Variants in SDK1 observed in about 807,000 individuals in gnomAD.
SDK1 encodes the protein protein sidekick-1.
In SDK1, 157 loss-of-function variants were observed where a neutral mutation model predicts 245.5. The observed-to-expected ratio is 0.64, with a 90% confidence interval of 0.56 to 0.73. SDK1 has a LOEUF of 0.73. Among genes scored for constraint, SDK1 ranks in the 30% least tolerant of loss-of-function variants. The pLI is 0.00. For missense variants in SDK1, 3,583 were observed against 3,002.3 expected (o/e 1.19, Z -4.52); for synonymous variants, 1,647 against 1,278.5 (o/e 1.29, Z -6.15).
intron 27 of SDK1, 35 bp downstream of exon 27, chr7:4,130,132 T>A: frequency 6.5e-7 from 1 of 1,536,332 alleles, no homozygotes; most frequent in Non-Finnish European, 8.8e-7. Context: ...GGAGCCTTGC[T>A]GCCTCCCAGG....
chr7:3,700,307 ACTTTT>A (rs778364475), intron 4 of SDK1, among the ~76,000 whole-genome samples: 4 of 152,300 alleles, frequency 2.6e-5, no homozygotes, highest in East Asian at 1.9e-4. Context: ...AGATAAATAG[ACTTTT>A]CTTTTCCTTT....
intron 13 of SDK1, among the ~76,000 whole-genome samples, chr7:3,986,514 A>G (rs1783838915): frequency 6.6e-6 from 1 of 152,210 alleles, no homozygotes; most frequent in Admixed American, 6.5e-5. Flanking sequence ...CATTTCCATG[A>G]CCAGCTTCTA....
intron 4 of SDK1, among the ~76,000 whole-genome samples, chr7:3,718,209 C>G (rs1282211915): frequency 2.0e-5 from 3 of 152,020 alleles, no homozygotes; most frequent in Non-Finnish European, 4.4e-5. Context: ...TTGATAAAAT[C>G]CAACACTCAG....
intron 1 of SDK1, among the ~76,000 whole-genome samples, chr7:3,481,091 G>A (rs1562512778): frequency 6.6e-6 from 1 of 152,078 alleles, no homozygotes; most frequent in Non-Finnish European, 1.5e-5. Flanking sequence ...AATACATTTG[G>A]AATTATTTGA....
At chr7:4,051,940 T>A in intron 19 of SDK1, 110 bp downstream of exon 19, 1 of 979,084 alleles carries the variant, frequency 1.0e-6, no homozygotes, top group South Asian at 1.7e-5. Context: ...AGGCCCCGGA[T>A]TTTTGGAGTG....
At chr7:3,957,382 G>A (rs1192419915) in intron 7 of SDK1, among the ~76,000 whole-genome samples, 1 of 152,138 alleles carries the variant, frequency 6.6e-6, no homozygotes, top group Non-Finnish European at 1.5e-5. Context: ...TTTTTTGCAA[G>A]ATGTTACCAT....
At chr7:4,099,979 A>G (rs2128186761) in intron 22 of SDK1, among the ~76,000 whole-genome samples, 1 of 152,134 alleles carries the variant, frequency 6.6e-6, no homozygotes, top group African/African-American at 2.4e-5. Context: ...CTATGTGGAC[A>G]GGAAGTCTCA....
intron 5 of SDK1, among the ~76,000 whole-genome samples, chr7:3,872,833 A>G (rs1233634913): frequency 6.6e-6 from 1 of 152,084 alleles, no homozygotes; most frequent in Non-Finnish European, 1.5e-5. Context: ...ATGCTGCTTC[A>G]CACGGAGTAT....
chr7:3,980,610 T>G (rs1182458444), intron 13 of SDK1, among the ~76,000 whole-genome samples: 3 of 152,236 alleles, frequency 2.0e-5, no homozygotes, highest in Non-Finnish European at 4.4e-5. Context: ...GTCAAGGATC[T>G]CACAAAGCTT....
At chr7:3,495,083 C>T (rs1272622077) in intron 1 of SDK1, among the ~76,000 whole-genome samples, 2 of 152,008 alleles carry the variant, frequency 1.3e-5, no homozygotes, top group East Asian at 3.9e-4. Flanking sequence ...TATTCCCTGT[C>T]TTGGTTGATG....
intron 28 of SDK1, among the ~76,000 whole-genome samples, chr7:4,143,051 G>C (rs936234008): frequency 2.0e-5 from 3 of 152,164 alleles, no homozygotes; most frequent in Non-Finnish European, 4.4e-5. Flanking sequence ...CCTGTTCTGA[G>C]GCACACGCTG....
intron 4 of SDK1, among the ~76,000 whole-genome samples, chr7:3,670,974 CT>C (rs898504477): frequency 1.3e-5 from 2 of 152,164 alleles, no homozygotes; most frequent in South Asian, 2.1e-4. Context: ...CATCCTGTAA[CT>C]TTTTTTTGCC....
intron 1 of SDK1, among the ~76,000 whole-genome samples, chr7:3,448,495 T>C (rs1293881948): frequency 6.6e-6 from 1 of 152,192 alleles, no homozygotes; most frequent in Non-Finnish European, 1.5e-5. Context: ...AATTAAAATA[T>C]ATGTAATCAC....
chr7:3,566,957 CTGG>C (rs1257917531), intron 1 of SDK1, among the ~76,000 whole-genome samples: 2 of 152,114 alleles, frequency 1.3e-5, no homozygotes, highest in Admixed American at 1.3e-4. Flanking sequence ...TTGTCATGCA[CTGG>C]TGGTGGGAGT....
intron 1 of SDK1, among the ~76,000 whole-genome samples, chr7:3,307,125 C>T (rs879815212): frequency 6.6e-6 from 1 of 152,170 alleles, no homozygotes; most frequent in Non-Finnish European, 1.5e-5. Flanking sequence ...CCCAATTATA[C>T]ATTTAACCCA....
At chr7:3,499,565 C>T (rs537498573) in intron 1 of SDK1, among the ~76,000 whole-genome samples, 1 of 152,286 alleles carries the variant, frequency 6.6e-6, no homozygotes, top group East Asian at 1.9e-4. Flanking sequence ...GGTTTGCTAG[C>T]TCTTCTTTAT....
intron 4 of SDK1, among the ~76,000 whole-genome samples, chr7:3,794,364 G>A (rs1778910819): frequency 6.6e-6 from 1 of 152,060 alleles, no homozygotes; most frequent in Non-Finnish European, 1.5e-5. Flanking sequence ...AGAAAAAAAA[G>A]GCATATATGG....
intron 19 of SDK1, among the ~76,000 whole-genome samples, chr7:4,061,426 A>T (rs1418285395): frequency 2.0e-5 from 3 of 152,162 alleles, no homozygotes; most frequent in Admixed American, 6.5e-5. Flanking sequence ...TCAAAACCAC[A>T]ATGAGATACC....
intron 4 of SDK1, among the ~76,000 whole-genome samples, chr7:3,806,815 G>A (rs912913756): frequency 1.6e-4 from 24 of 152,150 alleles, no homozygotes; most frequent in African/African-American, 5.8e-4. Context: ...AAAAGTAGCT[G>A]CTGCCCCTTT....
Sources: gnomAD v4.1 joint callset for allele counts (sites outside exome capture counted in the v4.1 genomes callset) on GRCh38, gnomAD v4.1.1 for gene constraint, MANE v1.5 for transcripts, NCBI Gene and HGNC (gene_info 2026-07-23, HGNC 2026-07-21) for gene names.